NUAK1: variants seen among roughly 807,000 people sequenced by gnomAD.
NUAK1 encodes the protein NUAK family kinase 1.
A neutral mutation model predicts 56.9 loss-of-function variants in NUAK1; 26 were observed. That is an observed-to-expected ratio of 0.46 (90% CI 0.33 to 0.63). The LOEUF (loss-of-function observed/expected upper bound fraction) is 0.63. Ranked by LOEUF, NUAK1 falls within the 30% of genes least tolerant of loss-of-function variation. The pLI is 0.02. For missense variants in NUAK1, 727 were observed against 876.1 expected (o/e 0.83, Z 2.15); for synonymous variants, 337 against 336.0 (o/e 1.00, Z -0.03).
chr12:106,093,040 T>A (rs748908834), intron 2 of NUAK1, among the ~76,000 whole-genome samples: 8 of 152,184 alleles, frequency 5.3e-5, no homozygotes, highest in Non-Finnish European at 1.0e-4. Flanking sequence ...AGGAGTTGCT[T>A]TCGAGTTGGA....
chr12:106,129,152 G>A (rs1235014043), intron 1 of NUAK1, among the ~76,000 whole-genome samples: 1 of 152,188 alleles, frequency 6.6e-6, no homozygotes, highest in East Asian at 1.9e-4. Flanking sequence ...GTGGGAAATG[G>A]GTTTGGGATG....
At chr12:106,090,239 TG>T (rs2032621605) in intron 2 of NUAK1, among the ~76,000 whole-genome samples, 1 of 152,146 alleles carries the variant, frequency 6.6e-6, no homozygotes, top group African/African-American at 2.4e-5. Flanking sequence ...GGCCTGGCTC[TG>T]GGACACCATC....
At chr12:106,136,877 A>G (rs2033134378) in intron 1 of NUAK1, among the ~76,000 whole-genome samples, 1 of 152,210 alleles carries the variant, frequency 6.6e-6, no homozygotes, top group Non-Finnish European at 1.5e-5. Context: ...CTCTTCTTCC[A>G]CAAACCTGAA....
At position 106,065,546 on chromosome 12, in the gene NUAK1, A is replaced by G. The variant is rs1223556325; in HGVS notation, c.*1256T>C. 6.6e-6 allele frequency: 1 copy of G among 152,186 alleles called. No individual in the cohort carries two copies. Among genetic ancestry groups the G allele is most frequent in the Non-Finnish European group, 1.5e-5 (1 of 68,036 alleles). 9.4% of individuals were successfully genotyped at this position (152,186 alleles called of 1,614,324 possible). On this transcript the variant is annotated 3_prime_UTR_variant, in exon 7 of 7. Coordinates refer to ENST00000261402, the MANE Select transcript of NUAK1 (RefSeq NM_014840.3). ...CATAGAATACTTAGATTTGGGGGAA[A>G]AAAAGCACCATCTACCTGATTTTCC... is the stretch of plus-strand genomic sequence containing the variant.
chr12:106,129,027 T>C (rs756526772), intron 1 of NUAK1, among the ~76,000 whole-genome samples: 2 of 152,218 alleles, frequency 1.3e-5, no homozygotes, highest in East Asian at 3.9e-4. Flanking sequence ...CAGAGCTGAT[T>C]ACCTGGGCTT....
intron 2 of NUAK1, among the ~76,000 whole-genome samples, chr12:106,088,099 C>G (rs1172575501): frequency 1.3e-5 from 2 of 152,210 alleles, no homozygotes; most frequent in African/African-American, 4.8e-5. Context: ...GCCAGGGACC[C>G]ATGCAAGGAG....
chr12:106,127,517 G>A (rs547223244), intron 1 of NUAK1, among the ~76,000 whole-genome samples: 10 of 152,250 alleles, frequency 6.6e-5, no homozygotes, highest in Admixed American at 1.3e-4. Flanking sequence ...CCTCATACAC[G>A]TGTTTCAGAA....
intron 6 of NUAK1, among the ~76,000 whole-genome samples, chr12:106,069,255 C>T (rs563412296): frequency 7.9e-5 from 12 of 152,272 alleles, no homozygotes; most frequent in Non-Finnish European, 1.3e-4. Flanking sequence ...TGAGTCACCC[C>T]AACACACATA....
intron 1 of NUAK1, among the ~76,000 whole-genome samples, chr12:106,116,737 T>C (rs2032920814): frequency 1.3e-5 from 2 of 152,210 alleles, no homozygotes; most frequent in Admixed American, 1.3e-4. Flanking sequence ...CCTCTGGACA[T>C]GAAGGCCCCA....
At position 106,079,914 on chromosome 12, in the gene NUAK1, C is replaced by T. The variant is rs138876270; in HGVS notation, c.579+3950G>A. Among the ~76,000 whole-genome samples the T allele has an allele frequency of 6.6e-3, 1,008 of 152,296 alleles. 9 individuals are homozygous for T. The highest frequency in any genetic ancestry group is 0.011 in the Non-Finnish European group (717 of 68,028). On this transcript the variant is annotated intron_variant, in intron 4 of 6. Transcript: ENST00000261402. ...ATCTAGTTCACTATTAAATCCCCAG[C>T]ACAGGGTCAAGTACACAGTAGGACC... is the stretch of plus-strand genomic sequence containing the variant.
At position 106,138,663 on chromosome 12, in the gene NUAK1, C is replaced by G; in HGVS notation, c.-10G>C. On this transcript the variant is annotated 5_prime_UTR_variant, in exon 1 of 7. Coordinates refer to ENST00000261402, the MANE Select transcript of NUAK1 (RefSeq NM_014840.3). The surrounding 1 kb of genome is among the most constrained non-coding windows in gnomAD (Gnocchi z 5.0). The stretch of plus-strand genomic sequence containing the variant: ...CGGCGGCCCCTTCCATGTCCAAGCG[C>G]GGGGCGAGCCGGGCTACAGAGGGCA... 2 of 1,507,614 alleles carry G rather than the reference C, an allele frequency of 1.3e-6. No individual in the cohort carries two copies. Among genetic ancestry groups the G allele is most frequent in the Non-Finnish European group, 1.8e-6 (2 of 1,138,014 alleles). The allele number at this position is 1,507,614 out of a possible 1,614,324, so 93.4% of individuals were successfully genotyped here. A position where few individuals can be genotyped will look rare whatever the true frequency, so the allele number is the denominator to read the frequency against.
chr12:106,117,025 G>C (rs2136477519), intron 1 of NUAK1, among the ~76,000 whole-genome samples: 1 of 152,252 alleles, frequency 6.6e-6, no homozygotes, highest in Non-Finnish European at 1.5e-5. Flanking sequence ...CCTTCAAGTT[G>C]CCTACCATCC....
chr12:106,092,947 A>G (rs2032651288), intron 2 of NUAK1, among the ~76,000 whole-genome samples: 1 of 152,216 alleles, frequency 6.6e-6, no homozygotes, highest in East Asian at 1.9e-4. Flanking sequence ...CTTTATTATC[A>G]GCCGATTTGA....
intron 1 of NUAK1, 124 bp from the exon 2 acceptor site, chr12:106,106,649 G>A (rs537817447): frequency 1.1e-6 from 1 of 893,850 alleles, no homozygotes; most frequent in South Asian, 2.2e-5. Context: ...CCAAAACAAA[G>A]CTTGGAAATG....
intron 1 of NUAK1, among the ~76,000 whole-genome samples, chr12:106,115,605 T>A (rs963661221): frequency 5.3e-5 from 8 of 152,178 alleles, no homozygotes; most frequent in Non-Finnish European, 1.2e-4. Context: ...TGGTCCCTCC[T>A]CCCCAGCCCG....
At chr12:106,118,521 G>A (rs138257217) in intron 1 of NUAK1, among the ~76,000 whole-genome samples, 134 of 152,302 alleles carry the variant, frequency 8.8e-4, no homozygotes, top group Non-Finnish European at 1.5e-3. Flanking sequence ...AGGTCTGGTC[G>A]GGGAGCTAAT....
In NUAK1 at chr12:106,138,888, A is replaced by C. The variant is rs1460875828; in HGVS notation, c.-235T>G. 6.8e-6 allele frequency: 3 copies of C among 444,114 alleles called. No individual in the cohort carries two copies. Among genetic ancestry groups the C allele is most frequent in the African/African-American group, 6.2e-5 (3 of 48,246 alleles). The allele number at this position is 444,114 out of a possible 1,614,324, so 27.5% of individuals were successfully genotyped here. A position where few individuals can be genotyped will look rare whatever the true frequency, so the allele number is the denominator to read the frequency against. On this transcript the variant is annotated 5_prime_UTR_variant, in exon 1 of 7. Transcript: ENST00000261402. The surrounding 1 kb of genome is among the most constrained non-coding windows in gnomAD (Gnocchi z 5.0). ...GCCCCCCGGCCGCGGCGAGCTGTGGAGCGTCGGGCGAGGTGGCGGCGGTGG... is the reference window on the plus strand; with the variant it reads ...GCCCCCCGGCCGCGGCGAGCTGTGGCGCGTCGGGCGAGGTGGCGGCGGTGG...
intron 1 of NUAK1, among the ~76,000 whole-genome samples, chr12:106,124,002 A>T (rs1444070846): frequency 6.6e-6 from 1 of 152,216 alleles, no homozygotes; most frequent in Non-Finnish European, 1.5e-5. Flanking sequence ...GGCTGAATGG[A>T]ATTCAGACTG....
chr12:106,105,020 C>T (rs892323524), intron 2 of NUAK1, among the ~76,000 whole-genome samples: 4 of 151,418 alleles, frequency 2.6e-5, no homozygotes, highest in Non-Finnish European at 5.9e-5. Context: ...GTGGCACGAT[C>T]TCAGCTCACT....
Sources: allele counts gnomAD v4.1 joint callset (sites outside exome capture counted in the v4.1 genomes callset), GRCh38; gene constraint gnomAD v4.1.1; non-coding constraint Gnocchi (gnomAD v3.1); transcripts MANE v1.5; gene names NCBI Gene and HGNC (gene_info 2026-07-23, HGNC 2026-07-21).